Variants in ANP32B observed in about 807,000 individuals in gnomAD.
ANP32B encodes acidic nuclear phosphoprotein 32 family member B, also known as acidic leucine-rich nuclear phosphoprotein 32 family member B.
ANP32B carries 6 observed loss-of-function variants against 32.2 expected under a neutral mutation model. The observed-to-expected ratio is 0.19, with a 90% CI of 0.10 to 0.37. The LOEUF is 0.37. ANP32B is among the 10% of genes least tolerant of loss of function. The probability of loss-of-function intolerance (pLI) is 1.00; values close to 1 mark genes in which losing one functional copy is unlikely to be tolerated. For missense variants in ANP32B, 204 were observed against 289.2 expected (o/e 0.71, Z 2.14); for synonymous variants, 98 against 105.8 (o/e 0.93, Z 0.45).
At position 98,015,325 on chromosome 9, in the gene ANP32B, C is replaced by G. The variant is rs1266135297; in HGVS notation, c.689-39C>G. On this transcript the variant is annotated intron_variant, in intron 6 of 6. Transcript: ENST00000339399. ...ATTGGCAATAATCTAAGCAAAATGC[C>G]TTTCCACTGTCCTAAAGTCAATTTT... is the stretch of plus-strand genomic sequence containing the variant. The G allele has an allele frequency of 2.6e-6, 4 of 1,546,462 alleles. No homozygotes were observed. The African/African-American group carries it at 5.5e-5, about 21-fold the overall frequency.
chr9:98,009,411 C>T (rs2131591449), intron 4 of ANP32B, among the ~76,000 whole-genome samples: 1 of 152,328 alleles, frequency 6.6e-6, no homozygotes, highest in Non-Finnish European at 1.5e-5. Flanking sequence ...ACCTTTTTGG[C>T]ACCAGGGACT....
rs1828273883 is a variant in ANP32B, at chr9:98,015,927, A to G, written c.*496A>G. On this transcript the variant is annotated 3_prime_UTR_variant, in exon 7 of 7. Coordinates refer to ENST00000339399, the MANE Select transcript of ANP32B (RefSeq NM_006401.3). The stretch of plus-strand genomic sequence containing the variant: ...TTTTAAGAATTTAAGCGAAATAAAC[A>G]GTTACTCTTTGGTAAAGCCTAGTTG... 1.0e-6 allele frequency: 1 copy of G among 982,382 alleles called. No homozygotes were observed. Among genetic ancestry groups the G allele is most frequent in the South Asian group, 4.7e-5 (1 of 21,240 alleles). 60.9% of individuals were successfully genotyped at this position (982,382 alleles called of 1,614,324 possible). A position where few individuals can be genotyped will look rare whatever the true frequency, so the allele number is the denominator to read the frequency against.
chr9:98,000,677 A>G (rs1196554543), intron 3 of ANP32B, among the ~76,000 whole-genome samples: 1 of 152,230 alleles, frequency 6.6e-6, no homozygotes, highest in Non-Finnish European at 1.5e-5. Context: ...TAATCCCAGC[A>G]CTTTGGGAGG....
intron 1 of ANP32B, among the ~76,000 whole-genome samples, chr9:97,992,853 A>G (rs1164557723): frequency 6.6e-6 from 1 of 152,166 alleles, no homozygotes; most frequent in Non-Finnish European, 1.5e-5. Flanking sequence ...CTTTCTGGGC[A>G]TTTATAATGT....
Position 98,005,029 on chromosome 9 carries a change from C to G in ANP32B, c.393C>G (p.Tyr131Ter). 6.2e-7 allele frequency: 1 copy of G among 1,614,040 alleles called. No individual in the cohort carries two copies. Among genetic ancestry groups the G allele is most frequent in the Non-Finnish European group, 8.5e-7 (1 of 1,179,982 alleles). ...GTGAGGTTACCAACCTGAATGACTA[C>G]CGAGAGAGTGTCTTCAAGCTCCTGC... is the stretch of plus-strand genomic sequence containing the variant. Reference protein sequence around the residue: ...FNCEVTNLNDYRESVFKLLPQ... With the variant: ...FNCEVTNLND The change falls in exon 4 of 7, where the codon TAC becomes TAG. Residue 131 changes from tyrosine (Y) to a stop codon, truncating the protein, a stop_gained. Coordinates refer to ENST00000339399, the MANE Select transcript of ANP32B (RefSeq NM_006401.3). LOFTEE classifies it high-confidence loss of function.
At chr9:97,994,817 C>A in intron 2 of ANP32B, 37 bp downstream of exon 2, 1 of 1,549,626 alleles carries the variant, frequency 6.5e-7, no homozygotes, top group South Asian at 1.2e-5. Context: ...AGAGAACGAT[C>A]CTGGGAAGGG....
intron 4 of ANP32B, among the ~76,000 whole-genome samples, chr9:98,009,184 T>G (rs1828138427): frequency 6.6e-6 from 1 of 152,222 alleles, no homozygotes; most frequent in South Asian, 2.1e-4. Flanking sequence ...GATCATAACA[T>G]AGAATTAAAA....
chr9:97,985,149 G>A (rs971767274), intron 1 of ANP32B, among the ~76,000 whole-genome samples: 9 of 151,638 alleles, frequency 5.9e-5, no homozygotes, highest in Non-Finnish European at 1.3e-4. Context: ...CCCGCGGAGG[G>A]CGGCCCCGCG....
chr9:98,009,019 G>A (rs1200113060), intron 4 of ANP32B, among the ~76,000 whole-genome samples: 2 of 152,126 alleles, frequency 1.3e-5, no homozygotes, highest in Non-Finnish European at 2.9e-5. Context: ...CACAGGGCCT[G>A]ACACTGAGTA....
chr9:98,004,894 C>T (rs926177329), intron 3 of ANP32B, 70 bp from the exon 4 acceptor site: 6 of 1,296,558 alleles, frequency 4.6e-6, no homozygotes, highest in East Asian at 2.4e-5. Context: ...AATTTTACCT[C>T]TTCAAGAGAT....
chr9:97,991,133 T>C (rs1216068229), intron 1 of ANP32B, among the ~76,000 whole-genome samples: 1 of 151,688 alleles, frequency 6.6e-6, no homozygotes, highest in Admixed American at 6.6e-5. Flanking sequence ...AAACTTTTTT[T>C]TTTTTTAACT....
At chr9:97,985,654 G>C (rs988613006) in intron 1 of ANP32B, among the ~76,000 whole-genome samples, 1 of 152,208 alleles carries the variant, frequency 6.6e-6, no homozygotes, top group Non-Finnish European at 1.5e-5. Context: ...TCTAGAATTT[G>C]AATTCTTTAG....
Position 97,998,576 on chromosome 9 carries a change from A to G in ANP32B, c.225A>G (p.Arg75=). The G allele has an allele frequency of 6.2e-7, 1 of 1,609,606 alleles. No homozygotes were observed. The highest frequency in any genetic ancestry group is 8.5e-7 in the Non-Finnish European group (1 of 1,178,602). ...KLKKLELSEN[R]IFGGLDMLAE... is the part of the protein sequence containing the mutation. ...TGCAGCTTGAACTCAGTGAAAATAG[A>G]ATCTTTGGAGGTCTGGACATGTTAG... The change falls in exon 3 of 7, where the codon AGA becomes AGG. Residue 75 remains arginine, a synonymous_variant. Transcript: ENST00000339399.
rs560210462 is a variant in ANP32B, at chr9:97,991,968, C to A, written c.55-2663C>A. On this transcript the variant is annotated intron_variant, in intron 1 of 6. Transcript: ENST00000339399. The stretch of plus-strand genomic sequence containing the variant: ...TGACACAAACCTCTGTACAATATTG[C>A]TGACAAACCTGTGACCGTTTTTTTC... Among the ~76,000 whole-genome samples, 22 of 152,316 alleles carry A rather than the reference C, an allele frequency of 1.4e-4. 1 individual carries two copies. The South Asian group carries it at 4.6e-3, about 32-fold the overall frequency.
intron 2 of ANP32B, among the ~76,000 whole-genome samples, chr9:97,995,358 C>T (rs1387018110): frequency 9.9e-5 from 15 of 152,216 alleles, no homozygotes; most frequent in Non-Finnish European, 1.6e-4. Flanking sequence ...ACCCGTATCT[C>T]CTAACCCCAT....
At chr9:98,008,910 T>C (rs1194192711) in intron 4 of ANP32B, among the ~76,000 whole-genome samples, 2 of 152,162 alleles carry the variant, frequency 1.3e-5, no homozygotes, top group Admixed American at 1.3e-4. Context: ...TGTGGAAACA[T>C]TGTCTTCCAC....
intron 4 of ANP32B, among the ~76,000 whole-genome samples, chr9:98,007,422 T>C (rs1189278984): frequency 2.0e-5 from 3 of 152,242 alleles, no homozygotes; most frequent in Non-Finnish European, 2.9e-5. Context: ...TGAGTCACCG[T>C]GGTACACATT....
At chr9:98,010,655 G>A (rs1410201391) in intron 4 of ANP32B, among the ~76,000 whole-genome samples, 5 of 151,974 alleles carry the variant, frequency 3.3e-5, no homozygotes, top group Admixed American at 3.3e-4. Flanking sequence ...GTGAGAGCAT[G>A]GTGTGCTCTA....
At chr9:97,986,655 G>A (rs1225635166) in intron 1 of ANP32B, 1 of 152,264 alleles carries the variant, frequency 6.6e-6, no homozygotes, top group Non-Finnish European at 1.5e-5. Context: ...CCTTATGTGT[G>A]ATGTGCTGGA....
Sources: gnomAD v4.1 joint callset for allele counts (sites outside exome capture counted in the v4.1 genomes callset) on GRCh38, gnomAD v4.1.1 for gene constraint, MANE v1.5 for transcripts, NCBI Gene and HGNC (gene_info 2026-07-23, HGNC 2026-07-21) for gene names.